Variants in DST observed in about 807,000 individuals in gnomAD.
DST encodes the protein dystonin, also known as bullous pemphigoid antigen.
A neutral mutation model predicts 875.2 loss-of-function variants in DST; 253 were observed. The observed-to-expected ratio is 0.29, with a 90% CI of 0.26 to 0.32. DST has a LOEUF of 0.32. Among genes scored for constraint, DST ranks in the 10% least tolerant of loss-of-function variants. The pLI, the probability that DST is intolerant of heterozygous loss-of-function variation, is 1.00. For synonymous variants in DST, 3,124 were observed against 3,197.1 expected, an observed-to-expected ratio of 0.98 and a Z score of 0.77; for missense variants, 8,287 against 9,111.6, an observed-to-expected ratio of 0.91 and a Z score of 3.68.
chr6:56,528,524 C>A (rs536785015), intron 67 of DST, among the ~76,000 whole-genome samples: 2 of 152,150 alleles, frequency 1.3e-5, no homozygotes, highest in Admixed American at 6.5e-5. Context: ...CTACAACCTA[C>A]GTGTTCATCT....
At position 56,463,227 on chromosome 6, in the gene DST, T is replaced by C. The variant is rs924894035; in HGVS notation, c.22960-71A>G. On this transcript the variant is annotated intron_variant, in intron 101 of 103. Coordinates refer to ENST00000680361, the MANE Select transcript of DST (RefSeq NM_001374736.1). ...AAAAACAAAGCCACAGAAAGAGATA[T>C]TCATAGCAAAGAGTCACATTTCACA... is the stretch of plus-strand genomic sequence containing the variant. 4.5e-5 allele frequency: 40 copies of C among 894,586 alleles called. No individual in the cohort carries two copies. The African/African-American group carries it at 5.0e-4, about 11-fold the overall frequency. The allele number at this position is 894,586 out of a possible 1,614,324, so 55.4% of individuals were successfully genotyped here.
At chr6:56,593,572 A>T (rs2152688273) in intron 48 of DST, 91 bp downstream of exon 48, 2 of 1,051,986 alleles carry the variant, frequency 1.9e-6, no homozygotes, top group Non-Finnish European at 1.3e-6. Flanking sequence ...CCTGTTTTGG[A>T]TTTTAGGTTT....
chr6:56,944,388 G>A (rs557948867), intron 2 of DST, among the ~76,000 whole-genome samples: 20 of 151,824 alleles, frequency 1.3e-4, no homozygotes, highest in South Asian at 8.3e-4. Flanking sequence ...ACTACGAGGC[G>A]GGAGTCATGA....
At chr6:56,504,323 T>C (rs944515922) in intron 77 of DST, among the ~76,000 whole-genome samples, 1 of 152,132 alleles carries the variant, frequency 6.6e-6, no homozygotes, top group Non-Finnish European at 1.5e-5. Flanking sequence ...AAAGAAATTG[T>C]TTATTCAATA....
intron 5 of DST, among the ~76,000 whole-genome samples, chr6:56,719,231 C>A (rs1014803006): frequency 2.0e-5 from 3 of 152,108 alleles, no homozygotes; most frequent in Non-Finnish European, 4.4e-5. Context: ...TCAGTACATA[C>A]AACTGAAATA....
chr6:56,723,460 A>G (rs2099429940), intron 5 of DST, among the ~76,000 whole-genome samples: 1 of 152,178 alleles, frequency 6.6e-6, no homozygotes, highest in African/African-American at 2.4e-5. Flanking sequence ...GCTACTCGGG[A>G]GGCTGAGGCA....
At chr6:56,928,044 T>C (rs928743934) in intron 2 of DST, among the ~76,000 whole-genome samples, 2 of 152,072 alleles carry the variant, frequency 1.3e-5, no homozygotes, top group African/African-American at 4.8e-5. Flanking sequence ...GTTAGTTCTT[T>C]AGGAGCTCAG....
At chr6:56,851,345 A>G in intron 4 of DST, 52 bp downstream of exon 4, 5 of 1,558,598 alleles carry the variant, frequency 3.2e-6, no homozygotes, top group Non-Finnish European at 4.4e-6. Flanking sequence ...TAGATGGGCG[A>G]ATTTCCGCAA....
intron 5 of DST, among the ~76,000 whole-genome samples, chr6:56,728,976 ACAC>A (rs2099484742): frequency 9.9e-6 from 1 of 101,396 alleles, no homozygotes; most frequent in African/African-American, 5.8e-5. Flanking sequence ...AAAAAAGTAC[ACAC>A]ACACACACAC....
chr6:56,515,105 T>C (rs1357885229), intron 72 of DST, among the ~76,000 whole-genome samples: 1 of 152,228 alleles, frequency 6.6e-6, no homozygotes, highest in East Asian at 1.9e-4. Context: ...ACATTCTAAA[T>C]GTATAAATTT....
At chr6:56,833,349 C>T (rs1291956840) in intron 4 of DST, among the ~76,000 whole-genome samples, 1 of 152,216 alleles carries the variant, frequency 6.6e-6, no homozygotes, top group Non-Finnish European at 1.5e-5. Context: ...TATAGCACTA[C>T]ATCCAGGCCA....
chr6:56,624,685 G>T, intron 35 of DST, 57 bp from the exon 36 acceptor site: 2 of 1,173,404 alleles, frequency 1.7e-6, no homozygotes, highest in Non-Finnish European at 1.3e-6. Flanking sequence ...TTACTAAGTT[G>T]AATGAATTTT....
chr6:56,616,197 G>A, intron 36 of DST: 2 of 1,614,152 alleles, frequency 1.2e-6, no homozygotes, highest in South Asian at 1.1e-5. Flanking sequence ...AGTGTGATGA[G>A]GCCTTCCTGA....
chr6:56,787,204 G>A (rs957509717), intron 4 of DST, among the ~76,000 whole-genome samples: 4 of 152,170 alleles, frequency 2.6e-5, no homozygotes, highest in Admixed American at 6.5e-5. Context: ...GCTCTCTCAG[G>A]AGCATGAGTT....
At position 56,614,411 on chromosome 6, in the gene DST, C is replaced by T; in HGVS notation, c.5003G>A (p.Ser1668Asn). The stretch of plus-strand genomic sequence containing the variant: ...CTTCTCTGCATCTTTCAATGTCTTG[C>T]TGATATTTGATACCCATTTTTGCAA... ...KELQKWVSNI[S>N]KTLKDAEKAG... The change falls in exon 37 of 104, where the codon AGC becomes AAC. Residue 1668 changes from serine to asparagine, a missense_variant. By Grantham distance (46) the Ser-to-Asn change is conservative (BLOSUM62 1). Transcript: ENST00000680361. 28 of 1,611,440 alleles carry T rather than the reference C, an allele frequency of 1.7e-5. No individual in the cohort carries two copies. The highest frequency in any genetic ancestry group is 2.4e-5 in the Non-Finnish European group (28 of 1,178,854).
chr6:56,727,322 G>T (rs2099465945), intron 5 of DST, among the ~76,000 whole-genome samples: 1 of 152,088 alleles, frequency 6.6e-6, no homozygotes, highest in Non-Finnish European at 1.5e-5. Flanking sequence ...GCTGTGCCCG[G>T]ACCACGTTGG....
At chr6:56,674,353 A>T (rs2099117573) in intron 9 of DST, among the ~76,000 whole-genome samples, 1 of 151,616 alleles carries the variant, frequency 6.6e-6, no homozygotes. Flanking sequence ...CATGGAGTGC[A>T]GTGGCACCAT....
intron 47 of DST, among the ~76,000 whole-genome samples, chr6:56,596,126 T>G (rs573526165): frequency 6.6e-6 from 1 of 152,252 alleles, no homozygotes; most frequent in Non-Finnish European, 1.5e-5. Context: ...TTTTCTGGGT[T>G]CCAGCGATTC....
chr6:56,798,450 G>A (rs1280066206), intron 4 of DST, among the ~76,000 whole-genome samples: 1 of 152,094 alleles, frequency 6.6e-6, no homozygotes, highest in Non-Finnish European at 1.5e-5. Context: ...GTTTACAGAA[G>A]GGTTTAATAA....
Sources: gnomAD v4.1 joint callset for allele counts (sites outside exome capture counted in the v4.1 genomes callset) on GRCh38, gnomAD v4.1.1 for gene constraint, MANE v1.5 for transcripts, NCBI Gene and HGNC (gene_info 2026-07-23, HGNC 2026-07-21) for gene names.